COL25A1: variants seen among roughly 807,000 people sequenced by gnomAD.
COL25A1 encodes the protein collagen type XXV alpha 1 chain.
In COL25A1, 103 loss-of-function variants were observed where a neutral mutation model predicts 128.4. The observed-to-expected ratio is 0.80, with a 90% CI of 0.68 to 0.94. The LOEUF (loss-of-function observed/expected upper bound fraction) is 0.94. COL25A1 is among the 40% of genes least tolerant of loss of function. The probability of loss-of-function intolerance (pLI) is 0.00; values close to 1 mark genes in which losing one functional copy is unlikely to be tolerated. For missense variants in COL25A1, 745 were observed against 840.0 expected (o/e 0.89, Z 1.40); for synonymous variants, 279 against 277.2 (o/e 1.01, Z -0.06).
At chr4:109,167,433 T>C (rs1399278447) in intron 3 of COL25A1, among the ~76,000 whole-genome samples, 2 of 152,124 alleles carry the variant, frequency 1.3e-5, no homozygotes, top group African/African-American at 4.8e-5. Context: ...CTATGGCCTC[T>C]TGAATGAATG....
At chr4:108,982,585 C>A (rs76696817) in intron 6 of COL25A1, among the ~76,000 whole-genome samples, 2 of 151,944 alleles carry the variant, frequency 1.3e-5, no homozygotes, top group African/African-American at 4.8e-5. Context: ...GCAGAAGAAC[C>A]GTGTTTATTA....
intron 13 of COL25A1, among the ~76,000 whole-genome samples, chr4:108,908,401 T>G (rs1743786257): frequency 6.6e-6 from 1 of 152,192 alleles, no homozygotes; most frequent in Non-Finnish European, 1.5e-5. Flanking sequence ...CTTCTCTCTG[T>G]GTGTAGCAGT....
chr4:109,174,370 C>G (rs184514772), intron 3 of COL25A1, among the ~76,000 whole-genome samples: 1 of 152,268 alleles, frequency 6.6e-6, no homozygotes, highest in African/African-American at 2.4e-5. Flanking sequence ...CTAAACATTC[C>G]TTTTTATCAC....
chr4:108,946,369 T>C (rs1052512070), intron 8 of COL25A1, among the ~76,000 whole-genome samples: 3 of 152,232 alleles, frequency 2.0e-5, no homozygotes, highest in African/African-American at 7.2e-5. Flanking sequence ...GATTTTGTGC[T>C]TTCTCAAAAG....
intron 6 of COL25A1, among the ~76,000 whole-genome samples, chr4:108,993,410 C>T (rs1011689796): frequency 3.3e-5 from 5 of 152,192 alleles, no homozygotes; most frequent in African/African-American, 4.8e-5. Context: ...AAACATACCA[C>T]ATTTTCTTTA....
chr4:109,070,582 A>C (rs1762849757), intron 3 of COL25A1, among the ~76,000 whole-genome samples: 1 of 152,028 alleles, frequency 6.6e-6, no homozygotes, highest in South Asian at 2.1e-4. Context: ...ACATGTGCAC[A>C]ACGTGCAGGT....
chr4:108,932,380 T>C (rs1276907680), intron 11 of COL25A1, among the ~76,000 whole-genome samples: 1 of 152,170 alleles, frequency 6.6e-6, no homozygotes, highest in Non-Finnish European at 1.5e-5. Context: ...AAAATTAAAA[T>C]AAACTAAAAG....
chr4:108,881,970 A>C (rs1186916340), intron 19 of COL25A1, among the ~76,000 whole-genome samples: 1 of 152,176 alleles, frequency 6.6e-6, no homozygotes, highest in Non-Finnish European at 1.5e-5. Context: ...AGTTTTTGTC[A>C]ATTAATAGCT....
chr4:108,999,534 C>G (rs12500242), intron 6 of COL25A1, among the ~76,000 whole-genome samples: 121,034 of 152,138 alleles, frequency 0.8, 49,321 homozygotes, highest in East Asian at 1. Context: ...TAAACTAGTT[C>G]AACCATTGTG....
rs982807534 is a variant in COL25A1, at chr4:109,051,646, C to G, written c.368-1467G>C. Among the ~76,000 whole-genome samples the G allele has an allele frequency of 2.5e-3, 385 of 151,696 alleles. 2 individuals carry two copies. Among genetic ancestry groups the G allele is most frequent in the Non-Finnish European group, 4.2e-3 (288 of 67,818 alleles). On this transcript the variant is annotated intron_variant, in intron 3 of 37. Coordinates refer to ENST00000399132, the MANE Select transcript of COL25A1 (RefSeq NM_198721.4). Reference sequence around the variant, plus strand: ...ACACACACACACACACACACACACACACAGACATAATCTGATATATAAAAC... The same window carrying G: ...ACACACACACACACACACACACACAGACAGACATAATCTGATATATAAAAC...
intron 3 of COL25A1, among the ~76,000 whole-genome samples, chr4:109,103,680 G>A (rs1766130035): frequency 6.6e-6 from 1 of 152,180 alleles, no homozygotes; most frequent in Non-Finnish European, 1.5e-5. Flanking sequence ...CTGAACTCAT[G>A]TTTAAAATGG....
At chr4:109,251,952 T>C (rs765152083) in intron 3 of COL25A1, among the ~76,000 whole-genome samples, 26 of 152,238 alleles carry the variant, frequency 1.7e-4, no homozygotes, top group Non-Finnish European at 2.5e-4. Context: ...AAAAGGCCTC[T>C]CCACCACCTT....
At chr4:109,218,368 T>TTTTTTTTTTTTTTTTTTTTTG (rs1778189514) in intron 3 of COL25A1, among the ~76,000 whole-genome samples, 1 of 86,576 alleles carries the variant, frequency 1.2e-5, no homozygotes. Flanking sequence ...TTTTTTTTTT[T>TTTTTTTTTTTTTTTTTTTTTG]TTTTTTTTTT....
chr4:108,846,142 T>C lies in COL25A1; in HGVS notation c.1512A>G (p.Leu504=). 1 of 1,598,732 alleles carries C rather than the reference T, an allele frequency of 6.3e-7. No individual in the cohort carries two copies. The highest frequency in any genetic ancestry group is 8.6e-7 in the Non-Finnish European group (1 of 1,166,072). ...GEKGGIGLPG[L]PGANGMKGEK... ...CAAACAGAAAGTATAAACATACCGG[T>C]AATCCAGGAAGTCCAATTCCTCCTT... Residue 504 remains leucine (L), a synonymous_variant, in exon 28 of 38, where the codon TTA becomes TTG. Coordinates refer to ENST00000399132, the MANE Select transcript of COL25A1 (RefSeq NM_198721.4).
chr4:109,279,334 G>T (rs1723149886), intron 3 of COL25A1, among the ~76,000 whole-genome samples: 1 of 152,128 alleles, frequency 6.6e-6, no homozygotes, highest in Admixed American at 6.6e-5. Context: ...CTCCGGCTGG[G>T]TGCAGTGACT....
chr4:109,030,784 G>A (rs768235130), intron 5 of COL25A1, among the ~76,000 whole-genome samples: 5 of 152,102 alleles, frequency 3.3e-5, no homozygotes, highest in South Asian at 2.1e-4. Context: ...TTTGGGTCTC[G>A]CTTTGTCACC....
At chr4:109,203,148 G>A (rs1052715268) in intron 3 of COL25A1, among the ~76,000 whole-genome samples, 2 of 152,030 alleles carry the variant, frequency 1.3e-5, no homozygotes, top group African/African-American at 4.8e-5. Context: ...TCAGAAAATT[G>A]TAGTCAAAGG....
chr4:109,067,678 G>C (rs1579261866), intron 3 of COL25A1, among the ~76,000 whole-genome samples: 1 of 152,286 alleles, frequency 6.6e-6, no homozygotes, highest in African/African-American at 2.4e-5. Flanking sequence ...TATGTACTAA[G>C]TTTAGGCCAC....
intron 11 of COL25A1, among the ~76,000 whole-genome samples, chr4:108,936,798 T>TAA (rs1162473362): frequency 2.1e-5 from 2 of 93,998 alleles, no homozygotes; most frequent in Non-Finnish European, 4.2e-5. Flanking sequence ...ACCTGTTTCT[T>TAA]AAATATATAT....
Sources: allele counts gnomAD v4.1 joint callset (sites outside exome capture counted in the v4.1 genomes callset), GRCh38; gene constraint gnomAD v4.1.1; transcripts MANE v1.5; gene names NCBI Gene and HGNC (gene_info 2026-07-23, HGNC 2026-07-21).